GNB1L: variants seen among roughly 807,000 people sequenced by gnomAD.
GNB1L encodes G protein subunit beta 1 like.
Under a neutral mutation model 29.1 loss-of-function variants are expected in GNB1L, and 20 were observed. The ratio of observed to expected loss-of-function variants is 0.69; its 90% CI spans 0.48 to 1.00. GNB1L has a LOEUF of 1.00. Among genes scored for constraint, GNB1L ranks in the 50% least tolerant of loss-of-function variants. GNB1L has a pLI of 0.00. For missense variants in GNB1L, 421 were observed against 464.9 expected (o/e 0.91, Z 0.87); for synonymous variants, 193 against 206.5 (o/e 0.93, Z 0.56).
Position 19,806,689 on chromosome 22 carries a change from C to T in GNB1L, c.486G>A (p.Leu162=), listed in dbSNP as rs374064286. Residue 162 remains leucine (L), a synonymous_variant, in exon 6 of 8, where the codon CTG becomes CTA. Transcript: ENST00000329517. ...CALKPKADAK[L]GMPMCLRLWQ... ...ACAGCCGCAGGCACATGGGCATGCC[C>T]AGCTTGGCATCTGCCTTCGGCTTCA... The T allele has an allele frequency of 1.5e-5, 24 of 1,613,190 alleles. No individual in the cohort carries two copies. In the African/African-American group the frequency reaches 2.9e-4, roughly 20 times the overall value.
At chr22:19,821,153 C>T (rs577299945) in intron 3 of GNB1L, 75 bp downstream of exon 3, 20 of 1,450,974 alleles carry the variant, frequency 1.4e-5, no homozygotes, top group East Asian at 9.1e-5. Flanking sequence ...CTCAAACAAG[C>T]GCTGGGCTCC....
chr22:19,821,320 G>A lies in GNB1L; in HGVS notation c.36C>T (p.Pro12=). The part of the protein sequence containing the change: ...TAPCPPPPPD[P]QFVLRGTQSP... ...ACTGGGTGCCTCGGAGGACAAACTGGGGGTCTGGAGGTGGCGGCGGGCAGG... is the reference window on the plus strand; with the variant it reads ...ACTGGGTGCCTCGGAGGACAAACTGAGGGTCTGGAGGTGGCGGCGGGCAGG... Residue 12 remains proline, a synonymous_variant, in exon 3 of 8, where the codon CCC becomes CCT. Coordinates refer to ENST00000329517, the MANE Select transcript of GNB1L (RefSeq NM_053004.3). 1.2e-6 allele frequency: 2 copies of A among 1,613,214 alleles called. No individual in the cohort carries two copies. Among genetic ancestry groups the A allele is most frequent in the Non-Finnish European group, 8.5e-7 (1 of 1,179,744 alleles).
chr22:19,823,949 C>T (rs1186310876), intron 2 of GNB1L, among the ~76,000 whole-genome samples: 3 of 152,242 alleles, frequency 2.0e-5, no homozygotes, highest in African/African-American at 7.2e-5. Context: ...CGGCCTTGGG[C>T]GGTGCCAGCC....
At chr22:19,799,592 G>A (rs888373948) in intron 7 of GNB1L, among the ~76,000 whole-genome samples, 6 of 152,204 alleles carry the variant, frequency 3.9e-5, no homozygotes, top group African/African-American at 9.6e-5. Flanking sequence ...AACCTCATTC[G>A]CGTCTCTACT....
At chr22:19,850,885 T>A in intron 2 of GNB1L, 1 of 1,332,438 alleles carries the variant, frequency 7.5e-7, no homozygotes, top group Non-Finnish European at 9.6e-7. Context: ...AACGACCCCC[T>A]CGTGGGAGCA....
intron 6 of GNB1L, among the ~76,000 whole-genome samples, chr22:19,806,062 G>A (rs1187612450): frequency 6.6e-6 from 1 of 152,170 alleles, no homozygotes; most frequent in Non-Finnish European, 1.5e-5. Context: ...TGGCCCAGAA[G>A]AGTCCCTCCC....
Position 19,783,318 on chromosome 22 carries a change from C to T in GNB1L, c.*5391G>A. Reference sequence around the variant, plus strand: ...TCTACACCCCACATTTTACAGGTTTCAGAGCCCAAGTCAGGAGGTCAAGTG... The same window carrying T: ...TCTACACCCCACATTTTACAGGTTTTAGAGCCCAAGTCAGGAGGTCAAGTG... On this transcript the variant is annotated 3_prime_UTR_variant, in exon 8 of 8. Transcript: ENST00000329517. 5.0e-6 allele frequency: 2 copies of T among 403,604 alleles called. No homozygotes were observed. The highest frequency in any genetic ancestry group is 9.4e-6 in the Non-Finnish European group (2 of 211,752). The allele number at this position is 403,604 out of a possible 1,614,324, so 25.0% of individuals were successfully genotyped here.
intron 2 of GNB1L, among the ~76,000 whole-genome samples, chr22:19,828,023 A>T (rs1937633281): frequency 6.6e-6 from 1 of 152,224 alleles, no homozygotes; most frequent in Admixed American, 6.5e-5. Context: ...ACATGGATGA[A>T]GCTCAAAGTC....
chr22:19,797,234 G>T (rs1312243413), intron 7 of GNB1L, among the ~76,000 whole-genome samples: 2 of 152,112 alleles, frequency 1.3e-5, no homozygotes, highest in East Asian at 3.9e-4. Context: ...CTGAGCCTGG[G>T]GCTCCTGTCA....
Position 19,846,516 on chromosome 22 carries a change from A to G in GNB1L, c.-21+7927T>C, listed in dbSNP as rs992342602. On this transcript the variant is annotated intron_variant, in intron 2 of 7. Transcript: ENST00000329517. ...TGTGGAGACCACAGAAGCCTGCCCA[A>G]TATAGCGCTGCCAGGAACAGCAAAG... The G allele has an allele frequency of 6.1e-6, 6 of 985,368 alleles. No homozygotes were observed. In the African/African-American group the frequency reaches 1.0e-4, roughly 17 times the overall value. 61.0% of individuals were successfully genotyped at this position (985,368 alleles called of 1,614,324 possible).
Position 19,788,411 on chromosome 22 carries a change from C to A in GNB1L, c.*298G>T. On this transcript the variant is annotated 3_prime_UTR_variant, in exon 8 of 8. Transcript: ENST00000329517. ...TCAGGGAGCTCCCACCTCAAGCCTGCAACTTGGCAATGGAAATTTATTATA... is the reference window on the plus strand; with the variant it reads ...TCAGGGAGCTCCCACCTCAAGCCTGAAACTTGGCAATGGAAATTTATTATA... 1.7e-6 allele frequency: 1 copy of A among 591,244 alleles called. No homozygotes were observed. Among genetic ancestry groups the A allele is most frequent in the Non-Finnish European group, 3.0e-6 (1 of 331,382 alleles). 36.6% of individuals were successfully genotyped at this position (591,244 alleles called of 1,614,324 possible).
At chr22:19,832,335 C>A (rs1244231705) in intron 2 of GNB1L, among the ~76,000 whole-genome samples, 2 of 152,080 alleles carry the variant, frequency 1.3e-5, no homozygotes, top group East Asian at 1.9e-4. Context: ...ATCCCACCCC[C>A]CAAAAAATCC....
At position 19,791,666 on chromosome 22, in the gene GNB1L, C is replaced by T. The variant is rs78620854; in HGVS notation, c.733-2706G>A. ...GTGAGGGCTGGACTGCGCATGCTCA[C>T]GGTGGACTCCACAGGGCTTACCAGA... On this transcript the variant is annotated intron_variant, in intron 7 of 7. Transcript: ENST00000329517. Among the ~76,000 whole-genome samples, 358 of 152,272 alleles carry T rather than the reference C, an allele frequency of 2.4e-3. 9 individuals carry two copies. In the South Asian group the frequency reaches 0.057, roughly 24 times the overall value.
At chr22:19,832,322 T>C (rs1165530054) in intron 2 of GNB1L, among the ~76,000 whole-genome samples, 1 of 152,114 alleles carries the variant, frequency 6.6e-6, no homozygotes, top group African/African-American at 2.4e-5. Flanking sequence ...AGAGCAAGAT[T>C]CTATCCCACC....
At chr22:19,822,122 C>T (rs990994959) in intron 2 of GNB1L, among the ~76,000 whole-genome samples, 10 of 152,186 alleles carry the variant, frequency 6.6e-5, no homozygotes, top group African/African-American at 2.4e-4. Flanking sequence ...AATTTCTAAC[C>T]GCTATCACCA....
chr22:19,794,957 G>T (rs1489436994), intron 7 of GNB1L, among the ~76,000 whole-genome samples: 1 of 152,172 alleles, frequency 6.6e-6, no homozygotes, highest in Non-Finnish European at 1.5e-5. Flanking sequence ...CTCCAGCCTG[G>T]TGACAGAGTG....
intron 7 of GNB1L, chr22:19,793,232 A>C (rs1937271398): frequency 1.7e-6 from 1 of 592,306 alleles, no homozygotes; most frequent in East Asian, 2.8e-5. Flanking sequence ...AACTCTTAGC[A>C]GAGAAATGGA....
intron 2 of GNB1L, chr22:19,847,554 C>T (rs901252464): frequency 5.1e-6 from 5 of 985,124 alleles, no homozygotes; most frequent in Admixed American, 6.2e-5. Flanking sequence ...TCAGCTCATG[C>T]GGGGAGGGGA....
At chr22:19,794,839 G>C (rs1441016330) in intron 7 of GNB1L, among the ~76,000 whole-genome samples, 1 of 152,078 alleles carries the variant, frequency 6.6e-6, no homozygotes, top group Non-Finnish European at 1.5e-5. Context: ...AAATTAGCCG[G>C]GTGTGGTGGC....
Sources: allele counts gnomAD v4.1 joint callset (sites outside exome capture counted in the v4.1 genomes callset), GRCh38; gene constraint gnomAD v4.1.1; transcripts MANE v1.5; gene names NCBI Gene and HGNC (gene_info 2026-07-23, HGNC 2026-07-21).